PSMC2: variants seen among roughly 807,000 people sequenced by gnomAD.
PSMC2 encodes the protein proteasome 26S subunit, ATPase 2.
A neutral mutation model predicts 53.3 loss-of-function variants in PSMC2; 7 were observed. That is an observed-to-expected ratio of 0.13 (90% CI 0.07 to 0.25). The LOEUF is 0.25. Among genes scored for constraint, PSMC2 ranks in the 10% least tolerant of loss-of-function variants. The pLI is 1.00. For missense variants in PSMC2, 241 were observed against 544.0 expected (o/e 0.44, Z 5.54); for synonymous variants, 169 against 183.9 (o/e 0.92, Z 0.66).
chr7:103,348,311 A>C (rs1358564295), intron 1 of PSMC2, among the ~76,000 whole-genome samples: 1 of 152,206 alleles, frequency 6.6e-6, no homozygotes, highest in Admixed American at 6.5e-5. Flanking sequence ...GCTATTTTGC[A>C]TATCTTTTTA....
upstream of PSMC2, chr7:103,347,574 C>A: frequency 1.1e-6 from 1 of 927,532 alleles, no homozygotes; most frequent in Non-Finnish European, 1.7e-6. Flanking sequence ...GGGCTCTGTC[C>A]GGACTCTGAA....
chr7:103,357,090 C>T (rs1257032445), intron 4 of PSMC2, among the ~76,000 whole-genome samples: 2 of 152,076 alleles, frequency 1.3e-5, no homozygotes, highest in Non-Finnish European at 2.9e-5. Flanking sequence ...CTTTGGGAGG[C>T]CCAGGCAGGC....
intron 1 of PSMC2, among the ~76,000 whole-genome samples, chr7:103,348,209 G>T (rs548760401): frequency 6.6e-6 from 1 of 152,216 alleles, no homozygotes; most frequent in South Asian, 2.1e-4. Flanking sequence ...ACATTCACAG[G>T]GTTCACAATT....
At chr7:103,353,118 C>G (rs578247218) in intron 1 of PSMC2, among the ~76,000 whole-genome samples, 2 of 151,972 alleles carry the variant, frequency 1.3e-5, no homozygotes, top group African/African-American at 4.8e-5. Flanking sequence ...ACTTGAAATC[C>G]CAGATAACCA....
At chr7:103,363,573 G>A (rs2116241828) in intron 7 of PSMC2, 134 bp downstream of exon 7, 4 of 748,374 alleles carry the variant, frequency 5.3e-6, no homozygotes, top group South Asian at 5.2e-5. Flanking sequence ...GGTGGAGAGA[G>A]GAGGTGTGGA....
intron 4 of PSMC2, among the ~76,000 whole-genome samples, chr7:103,358,645 T>G (rs2095574597): frequency 6.6e-6 from 1 of 152,126 alleles, no homozygotes; most frequent in Non-Finnish European, 1.5e-5. Context: ...TTCAAGGCTC[T>G]TATCTTTATT....
At chr7:103,359,157 T>A in intron 4 of PSMC2, among the ~76,000 whole-genome samples, 1 of 136,320 alleles carries the variant, frequency 7.3e-6, no homozygotes, top group Non-Finnish European at 1.6e-5. Context: ...TTTTTTTTTT[T>A]TTTTTTTTTT....
rs1387252563 is a variant in PSMC2 at position 103,367,295 on chromosome 7, G to A, written c.845-118G>A. ...GTTCTTACAGGATTTGCTTCAAAGT[G>A]GGATGTCACTTGTGCCTGAGGACAT... On this transcript the variant is annotated intron_variant, in intron 9 of 11. Transcript: ENST00000292644. This position sits in a 1 kb window ranked among gnomAD's most constrained non-coding sequence, Gnocchi z 6.1. The A allele has an allele frequency of 1.2e-5, 10 of 812,832 alleles. No homozygotes were observed. Among genetic ancestry groups the A allele is most frequent in the Non-Finnish European group, 1.8e-5 (9 of 498,546 alleles). The allele number at this position is 812,832 out of a possible 1,614,324, so 50.4% of individuals were successfully genotyped here. A position where few individuals can be genotyped will look rare whatever the true frequency, so the allele number is the denominator to read the frequency against.
In PSMC2 at chr7:103,363,452, G is replaced by A. The variant is rs1469323625; in HGVS notation, c.591+13G>A. 6.3e-7 allele frequency: 1 copy of A among 1,592,822 alleles called. No individual in the cohort carries two copies. The highest frequency in any genetic ancestry group is 1.1e-5 in the South Asian group (1 of 90,648). On this transcript the variant is annotated intron_variant, in intron 7 of 11. Coordinates refer to ENST00000292644, the MANE Select transcript of PSMC2 (RefSeq NM_002803.4). The stretch of plus-strand genomic sequence containing the variant: ...CCCATTACTTCATGTAAGTAGCTGA[G>A]TGTTGTATTTAAATTTCTTTGTATA...
chr7:103,348,581 C>T lies in PSMC2; in HGVS notation c.70+800C>T, dbSNP rs1256723441. 6 of 899,594 alleles carry T rather than the reference C, an allele frequency of 6.7e-6. No homozygotes were observed. In the East Asian group the frequency reaches 1.5e-4, roughly 22 times the overall value. The allele number at this position is 899,594 out of a possible 1,614,324, so 55.7% of individuals were successfully genotyped here. A position where few individuals can be genotyped will look rare whatever the true frequency, so the allele number is the denominator to read the frequency against. On this transcript the variant is annotated intron_variant, in intron 1 of 11. Coordinates refer to ENST00000292644, the MANE Select transcript of PSMC2 (RefSeq NM_002803.4). ...ATAAAACAATGAGTACCTTTTACCT[C>T]GTTGCACTCTGAGACCAAGATGGGT...
At chr7:103,347,864 G>C in intron 1 of PSMC2, 83 bp downstream of exon 1, 1 of 1,479,538 alleles carries the variant, frequency 6.8e-7, no homozygotes, top group African/African-American at 1.4e-5. Flanking sequence ...CTGGATTCCC[G>C]CTCCTGGCTC....
rs117297172 is a variant in PSMC2 at position 103,360,738 on chromosome 7, C to T, written c.291-1219C>T. The stretch of plus-strand genomic sequence containing the variant: ...ACTATAGAAGGGGAAAGGCGGTTGA[C>T]TATTTTATACTGTGATGTGCATGGC... On this transcript the variant is annotated intron_variant, in intron 4 of 11. Transcript: ENST00000292644. 8.9e-3 allele frequency among the ~76,000 whole-genome samples: 1,352 copies of T among 152,278 alleles called. 20 individuals carry two copies. Among genetic ancestry groups the T allele is most frequent in the Middle Eastern group, 0.024 (7 of 294 alleles).
Position 103,366,068 on chromosome 7 carries a change from C to A in PSMC2, c.757-8C>A. The A allele has an allele frequency of 6.3e-7, 1 of 1,590,906 alleles. No individual in the cohort carries two copies. Among genetic ancestry groups the A allele is most frequent in the Non-Finnish European group, 8.5e-7 (1 of 1,171,902 alleles). On this transcript the variant is annotated splice_polypyrimidine_tract_variant and splice_region_variant and intron_variant, in intron 8 of 11. Coordinates refer to ENST00000292644, the MANE Select transcript of PSMC2 (RefSeq NM_002803.4). ...AATTTTGAATTAATAAATCATTTTT[C>A]TCATTAGGGGGCTCGAATGGTTCGT... is the stretch of plus-strand genomic sequence containing the variant.
intron 3 of PSMC2, among the ~76,000 whole-genome samples, chr7:103,355,409 G>T (rs566178115): frequency 1.3e-5 from 2 of 152,168 alleles, no homozygotes; most frequent in Non-Finnish European, 2.9e-5. Context: ...TTAGGGCAGG[G>T]TGTAGTTTTC....
In PSMC2 at chr7:103,367,334, A is replaced by G; in HGVS notation, c.845-79A>G. The G allele has an allele frequency of 7.2e-7, 1 of 1,389,570 alleles. No homozygotes were observed. Among genetic ancestry groups the G allele is most frequent in the Middle Eastern group, 2.5e-4 (1 of 3,964 alleles). 86.1% of individuals were successfully genotyped at this position (1,389,570 alleles called of 1,614,324 possible). A position where few individuals can be genotyped will look rare whatever the true frequency, so the allele number is the denominator to read the frequency against. ...GCCTGAGGACATGATTTGAGCTGAGATTTTTGGTACTTTCAGGTCATGCAT... is the reference window on the plus strand; with the variant it reads ...GCCTGAGGACATGATTTGAGCTGAGGTTTTTGGTACTTTCAGGTCATGCAT... On this transcript the variant is annotated intron_variant, in intron 9 of 11. Transcript: ENST00000292644. The surrounding 1 kb of genome is among the most constrained non-coding windows in gnomAD (Gnocchi z 6.1).
chr7:103,357,718 G>C (rs1432927443), intron 4 of PSMC2, among the ~76,000 whole-genome samples: 1 of 152,130 alleles, frequency 6.6e-6, no homozygotes, highest in Non-Finnish European at 1.5e-5. Flanking sequence ...AGCTGTGATT[G>C]CTTTTCCTTT....
At chr7:103,354,171 A>G (rs1302444456) in intron 2 of PSMC2, among the ~76,000 whole-genome samples, 1 of 152,194 alleles carries the variant, frequency 6.6e-6, no homozygotes, top group East Asian at 1.9e-4. Context: ...AGTTTATAGA[A>G]TAGATCAAAG....
At chr7:103,366,921 C>T (rs959057974) in intron 9 of PSMC2, among the ~76,000 whole-genome samples, 2 of 152,298 alleles carry the variant, frequency 1.3e-5, no homozygotes, top group African/African-American at 2.4e-5. Flanking sequence ...TCTCATGTCT[C>T]AGCCTCCTGA....
chr7:103,362,206 C>T, intron 5 of PSMC2, 118 bp downstream of exon 5: 1 of 1,522,118 alleles, frequency 6.6e-7, no homozygotes. Context: ...AAAGGATGAT[C>T]TAGTAATGTA....
Sources: gnomAD v4.1 joint callset for allele counts (sites outside exome capture counted in the v4.1 genomes callset) on GRCh38, gnomAD v4.1.1 for gene constraint, Gnocchi (gnomAD v3.1) non-coding constraint, MANE v1.5 for transcripts, NCBI Gene and HGNC (gene_info 2026-07-23, HGNC 2026-07-21) for gene names.